CPM: variants seen among roughly 807,000 people sequenced by gnomAD.
The protein encoded by CPM is carboxypeptidase M, also known as renal carboxypeptidase.
CPM carries 35 observed loss-of-function variants against 46.4 expected under a neutral mutation model. The observed-to-expected ratio is 0.75, with a 90% CI of 0.58 to 1.00. The LOEUF (loss-of-function observed/expected upper bound fraction) is 1.00. Among genes scored for constraint, CPM ranks in the 50% least tolerant of loss-of-function variants. The probability of loss-of-function intolerance (pLI) is 0.00; values close to 1 mark genes in which losing one functional copy is unlikely to be tolerated. For missense variants in CPM, 422 were observed against 530.4 expected (o/e 0.80, Z 2.01); for synonymous variants, 195 against 195.3 (o/e 1.00, Z 0.01).
chr12:68,949,978 T>C (rs765684177), intron 1 of CPM, among the ~76,000 whole-genome samples: 53 of 152,074 alleles, frequency 3.5e-4, no homozygotes, highest in Non-Finnish European at 4.4e-4. Context: ...TTGGCTTGCA[T>C]TGGGCGAATG....
At chr12:68,877,042 T>C (rs1192605609) in intron 3 of CPM, among the ~76,000 whole-genome samples, 2 of 152,164 alleles carry the variant, frequency 1.3e-5, no homozygotes. Flanking sequence ...CAGTGGTGTG[T>C]GTGTTATAGA....
chr12:68,857,869 A>G (rs963488655), intron 8 of CPM, among the ~76,000 whole-genome samples: 2 of 152,230 alleles, frequency 1.3e-5, no homozygotes, highest in Non-Finnish European at 1.5e-5. Context: ...ATATTTTTAA[A>G]TAGAATAGAA....
At chr12:68,868,244 G>C (rs1885542186) in intron 6 of CPM, among the ~76,000 whole-genome samples, 2 of 152,118 alleles carry the variant, frequency 1.3e-5, no homozygotes, top group South Asian at 4.1e-4. Flanking sequence ...GCTGTATCTT[G>C]GACACCAGAG....
intron 1 of CPM, among the ~76,000 whole-genome samples, chr12:68,939,501 T>A (rs1888728358): frequency 6.6e-6 from 1 of 151,916 alleles, no homozygotes; most frequent in South Asian, 2.1e-4. Context: ...TTTGGTGCTA[T>A]CTTTACAGAG....
At chr12:68,863,879 A>G (rs1448953175) in intron 7 of CPM, among the ~76,000 whole-genome samples, 2 of 152,256 alleles carry the variant, frequency 1.3e-5, no homozygotes, top group African/African-American at 4.8e-5. Context: ...TTTAAACCAG[A>G]GCAATACCAA....
At chr12:68,944,117 A>G (rs1269174902) in intron 1 of CPM, among the ~76,000 whole-genome samples, 2 of 152,228 alleles carry the variant, frequency 1.3e-5, no homozygotes, top group African/African-American at 4.8e-5. Flanking sequence ...GGAAAGTCAA[A>G]TTATAAATAT....
intron 1 of CPM, among the ~76,000 whole-genome samples, chr12:68,939,963 GC>G (rs943153092): frequency 6.6e-6 from 1 of 151,628 alleles, no homozygotes; most frequent in African/African-American, 2.4e-5. Context: ...TCTATTAATA[GC>G]TTTTGCTCAT....
intron 1 of CPM, among the ~76,000 whole-genome samples, chr12:68,957,152 A>G (rs889539141): frequency 2.0e-5 from 3 of 152,180 alleles, no homozygotes; most frequent in Non-Finnish European, 4.4e-5. Flanking sequence ...AAATCCAGCA[A>G]GAAGGTCTCA....
chr12:68,876,899 TGTGTGTGTGTGTGTGTGTGTGA>T (rs1885977496), intron 3 of CPM, among the ~76,000 whole-genome samples: 1 of 94,222 alleles, frequency 1.1e-5, no homozygotes, highest in Non-Finnish European at 2.3e-5. Context: ...CATGCGTGTG[TGTGTGTGTGTGTGTGTGTGTGA>T]GAGAGAGAGA....
At chr12:68,874,976 T>C (rs552767491) in intron 3 of CPM, among the ~76,000 whole-genome samples, 1 of 152,276 alleles carries the variant, frequency 6.6e-6, no homozygotes, top group Admixed American at 6.5e-5. Flanking sequence ...GAAACCATGA[T>C]TAGGAGGCTA....
At chr12:68,934,631 C>T (rs1025059281), upstream of CPM, among the ~76,000 whole-genome samples, 34 of 151,682 alleles carry the variant, frequency 2.2e-4, no homozygotes, top group African/African-American at 7.8e-4. Context: ...CACAGTTGTG[C>T]ACATGTGCCC....
intron 5 of CPM, chr12:68,842,914 A>G (rs1461713185): frequency 1.4e-5 from 3 of 208,658 alleles, no homozygotes; most frequent in African/African-American, 2.3e-5. Context: ...GTTCTGACAG[A>G]TAGTTGGGGA....
chr12:68,917,531 G>C lies in CPM; in HGVS notation c.160+15147C>G, dbSNP rs188499752. Among the ~76,000 whole-genome samples the C allele has an allele frequency of 5.0e-3, 769 of 152,282 alleles. 9 individuals are homozygous for C. Among genetic ancestry groups the C allele is most frequent in the African/African-American group, 0.016 (661 of 41,542 alleles). ...CATTCAACATTAACCATGACCTCTAGAGGAAAGAGTTAACATAGCCAGTAT... is the reference window on the plus strand; with the variant it reads ...CATTCAACATTAACCATGACCTCTACAGGAAAGAGTTAACATAGCCAGTAT... On this transcript the variant is annotated intron_variant, in intron 2 of 8. Coordinates refer to ENST00000551568, the MANE Select transcript of CPM (RefSeq NM_198320.5).
intron 2 of CPM, among the ~76,000 whole-genome samples, chr12:68,897,286 T>C (rs74931052): frequency 1.3e-5 from 2 of 151,726 alleles, no homozygotes; most frequent in Non-Finnish European, 2.9e-5. Context: ...TTTTTTTTTT[T>C]CCTCCATATA....
upstream of CPM, among the ~76,000 whole-genome samples, chr12:68,935,388 G>A (rs1171938593): frequency 1.3e-5 from 2 of 152,062 alleles, no homozygotes; most frequent in African/African-American, 4.8e-5. Context: ...AGCCTCTAAC[G>A]TACCTGGGAT....
chr12:68,891,001 G>C (rs1001727138), intron 2 of CPM, among the ~76,000 whole-genome samples: 8 of 152,246 alleles, frequency 5.3e-5, no homozygotes, highest in African/African-American at 1.9e-4. Context: ...ATGTTTCTCT[G>C]TGTGTATCCT....
chr12:68,948,294 T>C (rs1340478653), intron 1 of CPM, among the ~76,000 whole-genome samples: 3 of 152,216 alleles, frequency 2.0e-5, no homozygotes, highest in African/African-American at 7.2e-5. Context: ...ATCTGTTTTA[T>C]GACCTTAAAT....
At position 68,859,008 on chromosome 12, in the gene CPM, T is replaced by C; in HGVS notation, c.1004A>G (p.Gln335Arg). 1 of 1,576,550 alleles carries C rather than the reference T, an allele frequency of 6.3e-7. No homozygotes were observed. The highest frequency in any genetic ancestry group is 8.6e-7 in the Non-Finnish European group (1 of 1,161,400). ...NPLPNVIVEV[Q>R]DRKHICPYRT... ...ATAGGGGCAGATATGTTTTCTGTCTTGGACTTCCACAATTACATTGGGTAA... is the reference window on the plus strand; with the variant it reads ...ATAGGGGCAGATATGTTTTCTGTCTCGGACTTCCACAATTACATTGGGTAA... The change falls in exon 8 of 9, where the codon CAA becomes CGA. Residue 335 changes from glutamine to arginine, a missense_variant. Coordinates refer to ENST00000551568, the MANE Select transcript of CPM (RefSeq NM_198320.5).
At chr12:68,935,778 G>T, upstream of CPM, among the ~76,000 whole-genome samples, 1 of 152,076 alleles carries the variant, frequency 6.6e-6, no homozygotes, top group East Asian at 1.9e-4. Flanking sequence ...TTAAATTTAG[G>T]CAAAGTTACT....
Sources: allele counts gnomAD v4.1 joint callset (sites outside exome capture counted in the v4.1 genomes callset), GRCh38; gene constraint gnomAD v4.1.1; transcripts MANE v1.5; gene names NCBI Gene and HGNC (gene_info 2026-07-23, HGNC 2026-07-21).